The following CSNK2A2IP variants were observed in gnomAD, a reference collection of about 807,000 sequenced individuals.
The protein encoded by CSNK2A2IP is casein kinase 2 subunit alpha' interacting protein.
At chr3:88,454,677 T>C in the CSNK2A2IP span, among the ~76,000 whole-genome samples, 6 of 151,962 alleles carry the variant, frequency 3.9e-5, no homozygotes, top group South Asian at 2.1e-4. Flanking sequence ...TAAAGTTATA[T>C]GTATTTAGGG....
At chr3:88,434,265 G>T in the CSNK2A2IP span, among the ~76,000 whole-genome samples, 1 of 151,926 alleles carries the variant, frequency 6.6e-6, no homozygotes, top group Non-Finnish European at 1.5e-5. Flanking sequence ...GGAGCAGAAA[G>T]AAAAAGTAGG....
At chr3:88,449,874 T>TAGAGAGAGAGAGAGAGAGAGAGAG in the CSNK2A2IP span, among the ~76,000 whole-genome samples, 772 of 69,866 alleles carry the variant, frequency 0.011, 39 homozygotes, top group Non-Finnish European at 0.019. Flanking sequence ...TATATATATA[T>TAGAGAGAGAGAGAGAGAGAGAGAG]AGAGAGAGAG....
chr3:88,423,087 C>T, the CSNK2A2IP span, among the ~76,000 whole-genome samples: 4 of 152,268 alleles, frequency 2.6e-5, no homozygotes, highest in Middle Eastern at 3.4e-3. Flanking sequence ...GCTCAACTTA[C>T]CGTGTCACAG....
chr3:88,455,814 A>G, the CSNK2A2IP span, among the ~76,000 whole-genome samples: 1 of 152,070 alleles, frequency 6.6e-6, no homozygotes, highest in East Asian at 1.9e-4. Context: ...GTATTTTTGT[A>G]GGAGTTTTAT....
chr3:88,390,521 C>T, the CSNK2A2IP span, among the ~76,000 whole-genome samples: 595 of 152,232 alleles, frequency 3.9e-3, 3 homozygotes, highest in African/African-American at 0.014. Flanking sequence ...GAGGTCTTCT[C>T]TGAGGGATGT....
chr3:88,449,870 T>TAGAGAGAGAGAGAGAGAG, the CSNK2A2IP span, among the ~76,000 whole-genome samples: 2 of 81,704 alleles, frequency 2.4e-5, no homozygotes, highest in African/African-American at 4.0e-5. Context: ...TATATATATA[T>TAGAGAGAGAGAGAGAGAG]ATATAGAGAG....
the CSNK2A2IP span, among the ~76,000 whole-genome samples, chr3:88,419,926 G>A: frequency 3.3e-3 from 496 of 152,208 alleles, 3 homozygotes; most frequent in Middle Eastern, 0.027. Flanking sequence ...GATCCAGAAG[G>A]CTCTAAGGGA....
At chr3:88,401,951 C>T in the CSNK2A2IP span, among the ~76,000 whole-genome samples, 1 of 151,214 alleles carries the variant, frequency 6.6e-6, no homozygotes, top group Non-Finnish European at 1.5e-5. Context: ...TGTTTGGTTA[C>T]TTTTGGCCAT....
the CSNK2A2IP span, among the ~76,000 whole-genome samples, chr3:88,352,839 G>A: frequency 3.9e-5 from 6 of 152,074 alleles, no homozygotes; most frequent in Non-Finnish European, 5.9e-5. Context: ...GTTCAAATTA[G>A]GCAGGTTTCT....
the CSNK2A2IP span, among the ~76,000 whole-genome samples, chr3:88,463,723 C>A: frequency 6.6e-6 from 1 of 152,226 alleles, no homozygotes; most frequent in South Asian, 2.1e-4. Flanking sequence ...ACTAGTTCAA[C>A]CATTGTGGAA....
At chr3:88,380,201 A>C in the CSNK2A2IP span, among the ~76,000 whole-genome samples, 1 of 151,866 alleles carries the variant, frequency 6.6e-6, no homozygotes, top group Non-Finnish European at 1.5e-5. Flanking sequence ...AAAACTATTT[A>C]AAAAAAAGCA....
At chr3:88,412,608 C>T in the CSNK2A2IP span, among the ~76,000 whole-genome samples, 1 of 151,856 alleles carries the variant, frequency 6.6e-6, no homozygotes, top group East Asian at 1.9e-4. Flanking sequence ...AGTCTTGTGC[C>T]ACTAGACAAA....
At chr3:88,393,058 A>G in the CSNK2A2IP span, among the ~76,000 whole-genome samples, 3 of 152,158 alleles carry the variant, frequency 2.0e-5, no homozygotes. Flanking sequence ...AAGGAGGAAG[A>G]ATGGGTATAG....
At chr3:88,347,481 C>T in the CSNK2A2IP span, among the ~76,000 whole-genome samples, 1 of 152,044 alleles carries the variant, frequency 6.6e-6, no homozygotes, top group African/African-American at 2.4e-5. Flanking sequence ...CAGCCATTCA[C>T]ATTGAGGCAA....
chr3:88,428,437 T>C, the CSNK2A2IP span, among the ~76,000 whole-genome samples: 1 of 152,064 alleles, frequency 6.6e-6, no homozygotes. Context: ...GGACATGAGA[T>C]TTGGGAGGGG....
the CSNK2A2IP span, among the ~76,000 whole-genome samples, chr3:88,339,606 G>A: frequency 1.5e-3 from 234 of 152,102 alleles, 1 homozygote; most frequent in African/African-American, 5.1e-3. Flanking sequence ...GTCCATTTCC[G>A]ATGCATTCTG....
chr3:88,371,690 A>T, the CSNK2A2IP span, among the ~76,000 whole-genome samples: 2 of 151,744 alleles, frequency 1.3e-5, no homozygotes, highest in Non-Finnish European at 2.9e-5. Context: ...ATGAACTTAT[A>T]CCTACAGGAA....
chr3:88,413,368 C>T, the CSNK2A2IP span, among the ~76,000 whole-genome samples: 9 of 151,516 alleles, frequency 5.9e-5, no homozygotes, highest in Non-Finnish European at 1.2e-4. Flanking sequence ...GATTCAAATG[C>T]TATACATAAT....
the CSNK2A2IP span, among the ~76,000 whole-genome samples, chr3:88,399,330 T>G: frequency 6.6e-6 from 1 of 152,208 alleles, no homozygotes; most frequent in Non-Finnish European, 1.5e-5. Flanking sequence ...ATACATCATC[T>G]ACCTTCTAAA....
Sources: gnomAD v4.1 joint callset for allele counts (sites outside exome capture counted in the v4.1 genomes callset) on GRCh38, gnomAD v4.1.1 for gene constraint, MANE v1.5 for transcripts, NCBI Gene and HGNC (gene_info 2026-07-23, HGNC 2026-07-21) for gene names.